RNF220: variants seen among roughly 807,000 people sequenced by gnomAD.
RNF220 encodes E3 ubiquitin-protein ligase RNF220.
RNF220 carries 7 observed loss-of-function variants against 67.1 expected under a neutral mutation model. The observed-to-expected ratio is 0.10, with a 90% CI of 0.06 to 0.20. RNF220 has a LOEUF of 0.20. Among genes scored for constraint, RNF220 ranks in the 10% least tolerant of loss-of-function variants. The probability of loss-of-function intolerance (pLI) is 1.00; values close to 1 mark genes in which losing one functional copy is unlikely to be tolerated. For missense variants in RNF220, 565 were observed against 740.3 expected, an observed-to-expected ratio of 0.76 and a Z score of 2.75; for synonymous variants, 270 against 283.2, an observed-to-expected ratio of 0.95 and a Z score of 0.47.
At position 44,624,752 on chromosome 1, in the gene RNF220, TA is replaced by T. The variant is rs779837303; in HGVS notation, c.805-1544del. Reference sequence around the variant, plus strand: ...GCCTCGTTGCCATTAAGAAAAAAATTAGCCGGTGGCGGCTATCATATTAAAG... The same window carrying T: ...GCCTCGTTGCCATTAAGAAAAAAATTGCCGGTGGCGGCTATCATATTAAAG... On this transcript the variant is annotated intron_variant, in intron 4 of 14. Transcript: ENST00000361799. This position sits in a 1 kb window ranked among gnomAD's most constrained non-coding sequence, Gnocchi z 4.2. 1.9e-3 allele frequency among the ~76,000 whole-genome samples: 289 copies of T among 152,268 alleles called. 1 individual carries two copies. The highest frequency in any genetic ancestry group is 2.5e-3 in the Non-Finnish European group (170 of 68,020).
chr1:44,570,228 A>G (rs10157653), intron 2 of RNF220, among the ~76,000 whole-genome samples: 11,696 of 152,254 alleles, frequency 0.077, 1,500 homozygotes, highest in African/African-American at 0.26. Flanking sequence ...AGGCAGATCT[A>G]GTGAGGGTGG....
intron 3 of RNF220, among the ~76,000 whole-genome samples, chr1:44,617,530 CCCTCCGGG>C (rs1643608741): frequency 6.6e-6 from 1 of 152,266 alleles, no homozygotes; most frequent in African/African-American, 2.4e-5. Flanking sequence ...CGTGTCAGCT[CCCTCCGGG>C]CTGACGGCCG....
chr1:44,595,350 A>G (rs1666403870), intron 2 of RNF220, among the ~76,000 whole-genome samples: 1 of 152,154 alleles, frequency 6.6e-6, no homozygotes, highest in Non-Finnish European at 1.5e-5. Context: ...CACCCCCTCC[A>G]GGACGCCCGG....
At chr1:44,460,589 G>A (rs894492424) in intron 2 of RNF220, among the ~76,000 whole-genome samples, 4 of 152,164 alleles carry the variant, frequency 2.6e-5, no homozygotes, top group Non-Finnish European at 5.9e-5. Flanking sequence ...GTTCATTGAG[G>A]GTTCTCACAA....
chr1:44,504,226 C>G (rs1223054655), intron 2 of RNF220, among the ~76,000 whole-genome samples: 1 of 152,166 alleles, frequency 6.6e-6, no homozygotes, highest in Non-Finnish European at 1.5e-5. Flanking sequence ...TGTTGCCACC[C>G]TTGGTTAGAT....
At chr1:44,528,282 T>C (rs919678499) in intron 2 of RNF220, among the ~76,000 whole-genome samples, 1 of 152,004 alleles carries the variant, frequency 6.6e-6, no homozygotes, top group African/African-American at 2.4e-5. Context: ...TGAGGTGATA[T>C]TTTGCCGATA....
At chr1:44,634,084 T>G (rs1254309303) in intron 6 of RNF220, among the ~76,000 whole-genome samples, 1 of 152,190 alleles carries the variant, frequency 6.6e-6, no homozygotes, top group Non-Finnish European at 1.5e-5. Flanking sequence ...TCCTTTTGGT[T>G]TGGGTCTTTC....
intron 2 of RNF220, among the ~76,000 whole-genome samples, chr1:44,550,570 C>G (rs775015428): frequency 6.6e-6 from 1 of 152,114 alleles, no homozygotes; most frequent in Non-Finnish European, 1.5e-5. Flanking sequence ...GAGCAAGATA[C>G]CTTGAAGAGA....
At position 44,527,239 on chromosome 1, in the gene RNF220, T is replaced by C. The variant is rs16832044; in HGVS notation, c.626-86926T>C. The stretch of plus-strand genomic sequence containing the variant: ...AACATATTCAATACTGACATCATTA[T>C]ATTCTTCCAAGCCTGCAACTTAAAT... On this transcript the variant is annotated intron_variant, in intron 2 of 14. Transcript: ENST00000361799. Among the ~76,000 whole-genome samples, 823 of 152,158 alleles carry C rather than the reference T, an allele frequency of 5.4e-3. 3 individuals are homozygous for C. The highest frequency in any genetic ancestry group is 0.019 in the African/African-American group (789 of 41,486).
At position 44,600,446 on chromosome 1, in the gene RNF220, A is replaced by G. The variant is rs1480977423; in HGVS notation, c.626-13719A>G. On this transcript the variant is annotated intron_variant, in intron 2 of 14. Transcript: ENST00000361799. This position sits in a 1 kb window ranked among gnomAD's most constrained non-coding sequence, Gnocchi z 4.0. ...GGCTGTGGTATTACATAAGTCCCAC[A>G]CAGCCACTTACCTCGTAACCATGGG... Among the ~76,000 whole-genome samples the G allele has an allele frequency of 6.6e-6, 1 of 152,216 alleles. No individual in the cohort carries two copies. Among genetic ancestry groups the G allele is most frequent in the East Asian group, 1.9e-4 (1 of 5,204 alleles).
intron 2 of RNF220, among the ~76,000 whole-genome samples, chr1:44,512,248 T>A (rs1348383935): frequency 6.6e-6 from 1 of 152,062 alleles, no homozygotes; most frequent in East Asian, 1.9e-4. Context: ...AGCTGATAGG[T>A]AGGTGTGGCT....
At chr1:44,474,880 G>A (rs1418217744) in intron 2 of RNF220, among the ~76,000 whole-genome samples, 1 of 152,226 alleles carries the variant, frequency 6.6e-6, no homozygotes, top group East Asian at 1.9e-4. Context: ...CTTATATAAG[G>A]GAATTGAGCA....
intron 4 of RNF220, among the ~76,000 whole-genome samples, chr1:44,625,121 C>T (rs1643902779): frequency 6.6e-6 from 1 of 152,154 alleles, no homozygotes; most frequent in Non-Finnish European, 1.5e-5. Flanking sequence ...TGTTCCCCCT[C>T]GTTAGCATCT....
intron 2 of RNF220, among the ~76,000 whole-genome samples, chr1:44,527,211 C>T (rs1247245743): frequency 6.6e-6 from 1 of 152,030 alleles, no homozygotes; most frequent in Non-Finnish European, 1.5e-5. Flanking sequence ...CACCTCCAGA[C>T]TCAACATATT....
In RNF220 at chr1:44,595,172, TAAAG is replaced by T. The variant is rs541573441; in HGVS notation, c.626-18988_626-18985del. On this transcript the variant is annotated intron_variant, in intron 2 of 14. Transcript: ENST00000361799. ...AACCTCCAAGTGTTCCATGGACACT[TAAAG>T]AAAGTGTGAGAAGCCTGGTGAAGGC... Among the ~76,000 whole-genome samples, 372 of 152,188 alleles carry T rather than the reference TAAAG, an allele frequency of 2.4e-3. 1 individual carries two copies. The highest frequency in any genetic ancestry group is 4.5e-3 in the Non-Finnish European group (305 of 68,000).
chr1:44,466,416 A>G (rs1196564463), intron 2 of RNF220, among the ~76,000 whole-genome samples: 1 of 152,232 alleles, frequency 6.6e-6, no homozygotes, highest in Non-Finnish European at 1.5e-5. Flanking sequence ...TAATATTGAT[A>G]CTTTGGCCCC....
Position 44,495,808 on chromosome 1 carries a change from G to A in RNF220, c.625+83086G>A, listed in dbSNP as rs148463236. On this transcript the variant is annotated intron_variant, in intron 2 of 14. Transcript: ENST00000361799. ...GTAAGAGGGTAACAGAAAATAGATC[G>A]GGAGAGCTACAGCTCTGGGAAGACA... Among the ~76,000 whole-genome samples, 1,280 of 152,274 alleles carry A rather than the reference G, an allele frequency of 8.4e-3. 11 individuals carry two copies. The highest frequency in any genetic ancestry group is 0.028 in the Admixed American group (421 of 15,290).
At position 44,412,809 on chromosome 1, in the gene RNF220, T is replaced by G; in HGVS notation, c.625+87T>G. On this transcript the variant is annotated intron_variant, in intron 2 of 14. Coordinates refer to ENST00000361799, the MANE Select transcript of RNF220 (RefSeq NM_018150.4). The surrounding 1 kb of genome is among the most constrained non-coding windows in gnomAD (Gnocchi z 5.3). ...AACAGGTCGGTGGCGTTTTGCATGC[T>G]CCTAGTAATAGGAAGGGCCAACTAC... 4.1e-6 allele frequency: 6 copies of G among 1,461,368 alleles called. No homozygotes were observed. Among genetic ancestry groups the G allele is most frequent in the Non-Finnish European group, 5.6e-6 (6 of 1,076,670 alleles). The allele number at this position is 1,461,368 out of a possible 1,614,324, so 90.5% of individuals were successfully genotyped here.
At chr1:44,631,424 T>C (rs1038148149) in intron 5 of RNF220, among the ~76,000 whole-genome samples, 2 of 152,246 alleles carry the variant, frequency 1.3e-5, no homozygotes, top group African/African-American at 2.4e-5. Flanking sequence ...CCTGAGTAGA[T>C]AGTGGCTTCC....
Sources: gnomAD v4.1 joint callset for allele counts (sites outside exome capture counted in the v4.1 genomes callset) on GRCh38, gnomAD v4.1.1 for gene constraint, Gnocchi (gnomAD v3.1) non-coding constraint, MANE v1.5 for transcripts, NCBI Gene and HGNC (gene_info 2026-07-23, HGNC 2026-07-21) for gene names.